The following FRMPD4 variants were observed in gnomAD, a reference collection of about 807,000 sequenced individuals.
The protein encoded by FRMPD4 is FERM and PDZ domain-containing protein 4.
FRMPD4 carries 22 observed loss-of-function variants against 94.1 expected under a neutral mutation model. That is an observed-to-expected ratio of 0.23 (90% CI 0.17 to 0.33). The LOEUF (loss-of-function observed/expected upper bound fraction) is 0.33, where lower values mean the gene tolerates loss of function less well. FRMPD4 is among the 10% of genes least tolerant of loss of function. The pLI, the probability that FRMPD4 is intolerant of heterozygous loss-of-function variation, is 1.00. For missense variants in FRMPD4, 1,111 were observed against 1,339.9 expected (o/e 0.83, Z 2.67); for synonymous variants, 631 against 548.6 (o/e 1.15, Z -2.10).
chrX:11,946,904 C>A (rs1020034383), intron 3 of FRMPD4, among the ~76,000 whole-genome samples: 10 of 112,128 alleles, frequency 8.9e-5, no homozygotes, highest in African/African-American at 3.2e-4. Flanking sequence ...TAGACTCAGA[C>A]TGAATTACGC....
At chrX:12,658,914 G>A (rs1281314584) in intron 4 of FRMPD4, among the ~76,000 whole-genome samples, 1 of 111,737 alleles carries the variant, frequency 8.9e-6, no homozygotes, top group African/African-American at 3.2e-5. Flanking sequence ...CTTAGTGGCC[G>A]GAGTGACCTT....
intron 2 of FRMPD4, among the ~76,000 whole-genome samples, chrX:12,522,925 A>G (rs1227060058): frequency 9.0e-6 from 1 of 111,714 alleles, no homozygotes; most frequent in African/African-American, 3.3e-5. Context: ...TCTAATGCCT[A>G]TTTTACAATT....
At chrX:11,873,816 G>T (rs2053767972) in intron 2 of FRMPD4, among the ~76,000 whole-genome samples, 1 of 110,976 alleles carries the variant, frequency 9.0e-6, no homozygotes, top group East Asian at 2.8e-4. Context: ...GAACAAAATT[G>T]CAGGATCTAT....
intron 1 of FRMPD4, among the ~76,000 whole-genome samples, chrX:12,139,950 T>G (rs1477440970): frequency 8.9e-6 from 1 of 112,322 alleles, no homozygotes; most frequent in Non-Finnish European, 1.9e-5. Context: ...GCTTAAAAAC[T>G]TACTTGCAAT....
chrX:12,184,127 TCTGCAACA>T (rs2056395071), intron 1 of FRMPD4, among the ~76,000 whole-genome samples: 1 of 111,145 alleles, frequency 9.0e-6, no homozygotes, highest in Middle Eastern at 4.2e-3. Context: ...TCACCAGTAG[TCTGCAACA>T]CTGATTTTTT....
intron 2 of FRMPD4, among the ~76,000 whole-genome samples, chrX:12,547,818 C>T (rs779041308): frequency 1.1e-4 from 12 of 111,413 alleles, no homozygotes; most frequent in Non-Finnish European, 1.9e-4. Flanking sequence ...GGCAAAGGAT[C>T]GGTTAATTTG....
intron 1 of FRMPD4, among the ~76,000 whole-genome samples, chrX:12,221,220 C>T (rs2056862719): frequency 8.9e-6 from 1 of 112,462 alleles, no homozygotes; most frequent in Admixed American, 9.4e-5. Context: ...TATACATTTA[C>T]ATATGCTTCT....
intron 1 of FRMPD4, among the ~76,000 whole-genome samples, chrX:12,428,292 TAAA>T (rs1242376588): frequency 2.7e-5 from 3 of 111,922 alleles, no homozygotes; most frequent in Non-Finnish European, 5.6e-5. Flanking sequence ...TTTCCTTTCT[TAAA>T]GAACTGTTTT....
At chrX:12,193,739 T>G (rs2056518283) in intron 1 of FRMPD4, among the ~76,000 whole-genome samples, 1 of 75,426 alleles carries the variant, frequency 1.3e-5, no homozygotes, top group Non-Finnish European at 2.5e-5. Flanking sequence ...GTCTGTGAAT[T>G]ATCCGAAAGA....
intron 2 of FRMPD4, among the ~76,000 whole-genome samples, chrX:12,575,092 G>A (rs1188419334): frequency 9.0e-6 from 1 of 111,070 alleles, no homozygotes; most frequent in Non-Finnish European, 1.9e-5. Flanking sequence ...GACAGATCAG[G>A]GAGGTCCCTT....
chrX:12,198,710 C>G, intron 1 of FRMPD4, among the ~76,000 whole-genome samples: 1 of 112,273 alleles, frequency 8.9e-6, no homozygotes, highest in East Asian at 2.8e-4. Flanking sequence ...AATGTCATTT[C>G]CATTAGACTT....
chrX:12,110,050 A>C (rs1000123650), intron 3 of FRMPD4, among the ~76,000 whole-genome samples: 23 of 111,984 alleles, frequency 2.1e-4, no homozygotes, highest in Non-Finnish European at 4.1e-4. Flanking sequence ...AAAAGAGGGA[A>C]TCCTCCCTAA....
chrX:12,331,713 A>G (rs1183484896), intron 1 of FRMPD4, among the ~76,000 whole-genome samples: 1 of 44,124 alleles, frequency 2.3e-5, no homozygotes, highest in Non-Finnish European at 3.9e-5. Flanking sequence ...TATAATATAT[A>G]ATTTATATAT....
At chrX:12,029,838 A>G (rs771470927) in intron 3 of FRMPD4, among the ~76,000 whole-genome samples, 37 of 111,525 alleles carry the variant, frequency 3.3e-4, no homozygotes, top group Non-Finnish European at 5.8e-4. Flanking sequence ...AATCATGAGA[A>G]TGACTCCACC....
At chrX:12,198,317 C>G (rs2056589820) in intron 1 of FRMPD4, among the ~76,000 whole-genome samples, 1 of 111,223 alleles carries the variant, frequency 9.0e-6, no homozygotes, top group African/African-American at 3.3e-5. Context: ...ATACCAGTTG[C>G]TGTTAATATC....
chrX:11,865,255 C>T (rs2053711800), intron 2 of FRMPD4, among the ~76,000 whole-genome samples: 1 of 111,928 alleles, frequency 8.9e-6, no homozygotes, highest in Non-Finnish European at 1.9e-5. Flanking sequence ...GACCTAGTGG[C>T]TGTGAAATAG....
chrX:12,171,175 CTG>C (rs1193704894), intron 1 of FRMPD4, among the ~76,000 whole-genome samples: 2 of 111,934 alleles, frequency 1.8e-5, no homozygotes, highest in Non-Finnish European at 3.8e-5. Flanking sequence ...TTCCAGTACT[CTG>C]TGGATGGGAC....
intron 2 of FRMPD4, among the ~76,000 whole-genome samples, chrX:12,548,347 A>G (rs777012142): frequency 8.9e-6 from 1 of 112,494 alleles, no homozygotes; most frequent in African/African-American, 3.2e-5. Flanking sequence ...TTAGTGTACA[A>G]ATCCAGCCCT....
chrX:11,905,425 T>C (rs1435622613), intron 3 of FRMPD4, among the ~76,000 whole-genome samples: 1 of 112,068 alleles, frequency 8.9e-6, no homozygotes, highest in East Asian at 2.8e-4. Flanking sequence ...TTCCCTATCT[T>C]CTTTTATTTT....
Sources: allele counts gnomAD v4.1 joint callset (sites outside exome capture counted in the v4.1 genomes callset), GRCh38; gene constraint gnomAD v4.1.1; transcripts MANE v1.5; gene names NCBI Gene and HGNC (gene_info 2026-07-23, HGNC 2026-07-21).